GALNTL6: variants seen among roughly 807,000 people sequenced by gnomAD.
GALNTL6 encodes the protein polypeptide N-acetylgalactosaminyltransferase like 6.
Under a neutral mutation model 73.7 loss-of-function variants are expected in GALNTL6, and 46 were observed. The ratio of observed to expected loss-of-function variants is 0.62; its 90% CI spans 0.49 to 0.80. The LOEUF (loss-of-function observed/expected upper bound fraction) is 0.80. Ranked by LOEUF, GALNTL6 falls within the 30% of genes least tolerant of loss-of-function variation. The pLI is 0.00. For synonymous variants in GALNTL6, 259 were observed against 263.7 expected (o/e 0.98, Z 0.17); for missense variants, 604 against 755.0 (o/e 0.80, Z 2.34).
chr4:172,202,690 T>C (rs1275072035), intron 2 of GALNTL6, among the ~76,000 whole-genome samples: 5 of 152,172 alleles, frequency 3.3e-5, no homozygotes. Flanking sequence ...TTGCAAATAC[T>C]CAGTGCCAGT....
chr4:171,882,868 A>G (rs907687134), intron 2 of GALNTL6, among the ~76,000 whole-genome samples: 2 of 152,250 alleles, frequency 1.3e-5, no homozygotes, highest in Admixed American at 6.5e-5. Context: ...TCGGGTAGTT[A>G]GTCCGTTGTA....
chr4:172,090,163 G>A (rs373416627), intron 2 of GALNTL6, among the ~76,000 whole-genome samples: 27 of 152,192 alleles, frequency 1.8e-4, no homozygotes, highest in African/African-American at 6.3e-4. Flanking sequence ...ATAAACATAC[G>A]TGTGCATGTG....
At chr4:172,667,301 A>G (rs1731725505) in intron 5 of GALNTL6, 1 of 152,196 alleles carries the variant, frequency 6.6e-6, no homozygotes, top group Non-Finnish European at 1.5e-5. Context: ...TTTATTGAGT[A>G]AATAGTTAGA....
chr4:171,948,060 G>C (rs918491209), intron 2 of GALNTL6, among the ~76,000 whole-genome samples: 3 of 152,004 alleles, frequency 2.0e-5, no homozygotes, highest in African/African-American at 7.3e-5. Context: ...TGAGATGGGG[G>C]GAATACTGTA....
At chr4:172,368,389 TAAC>T (rs1440080349) in intron 5 of GALNTL6, among the ~76,000 whole-genome samples, 5 of 151,662 alleles carry the variant, frequency 3.3e-5, no homozygotes, top group Non-Finnish European at 7.4e-5. Context: ...TCAAAACAAA[TAAC>T]AACAACAAAA....
intron 2 of GALNTL6, among the ~76,000 whole-genome samples, chr4:172,092,229 A>AT (rs1185017288): frequency 1.3e-5 from 2 of 152,274 alleles, no homozygotes; most frequent in African/African-American, 2.4e-5. Flanking sequence ...AAATTTGGTT[A>AT]TTTTAGGTGT....
In GALNTL6 at chr4:171,914,711, C is replaced by T. The variant is rs118179391; in HGVS notation, c.138+99993C>T. Among the ~76,000 whole-genome samples, 199 of 148,840 alleles carry T rather than the reference C, an allele frequency of 1.3e-3. 1 individual carries two copies. The Middle Eastern group carries it at 0.018, about 13-fold the overall frequency. On this transcript the variant is annotated intron_variant, in intron 2 of 12. Coordinates refer to ENST00000506823, the MANE Select transcript of GALNTL6 (RefSeq NM_001034845.3). ...GATTACAGGCATAAGCCACCATGGC[C>T]GGCCAAAAATGTACATATTTATGAA...
intron 2 of GALNTL6, among the ~76,000 whole-genome samples, chr4:171,855,142 T>G (rs977023838): frequency 2.6e-5 from 4 of 152,190 alleles, no homozygotes; most frequent in Non-Finnish European, 5.9e-5. Context: ...GTGCATAGAT[T>G]TCATTAGAGT....
chr4:172,339,516 G>A (rs1213038301), intron 4 of GALNTL6, among the ~76,000 whole-genome samples: 3 of 152,148 alleles, frequency 2.0e-5, no homozygotes, highest in East Asian at 1.9e-4. Context: ...TCGCTGGCCT[G>A]AGACTAAAAT....
chr4:172,599,490 C>T (rs900125238), intron 5 of GALNTL6, among the ~76,000 whole-genome samples: 26 of 152,212 alleles, frequency 1.7e-4, no homozygotes, highest in Non-Finnish European at 3.4e-4. Context: ...TTGTTATTAA[C>T]AAACAGCCAC....
intron 5 of GALNTL6, among the ~76,000 whole-genome samples, chr4:172,558,588 C>G (rs2110918826): frequency 1.3e-5 from 2 of 152,268 alleles, no homozygotes; most frequent in African/African-American, 4.8e-5. Flanking sequence ...CTGTGGGCAA[C>G]TTGATCTTGG....
At chr4:172,260,257 A>G (rs980789036) in intron 3 of GALNTL6, among the ~76,000 whole-genome samples, 10 of 151,678 alleles carry the variant, frequency 6.6e-5, no homozygotes, top group Non-Finnish European at 1.3e-4. Flanking sequence ...TGTTTGTGTC[A>G]TCTGTGATTT....
chr4:171,966,168 G>C (rs886578085), intron 2 of GALNTL6, among the ~76,000 whole-genome samples: 2 of 152,062 alleles, frequency 1.3e-5, no homozygotes, highest in Non-Finnish European at 2.9e-5. Context: ...TAGTCATAGG[G>C]GAGATCCTAA....
chr4:172,474,366 A>C (rs188896276), intron 5 of GALNTL6, among the ~76,000 whole-genome samples: 1 of 152,242 alleles, frequency 6.6e-6, no homozygotes, highest in African/African-American at 2.4e-5. Flanking sequence ...TTAATCTACT[A>C]TACAATTTAA....
At chr4:172,858,814 G>C (rs549409415) in intron 7 of GALNTL6, among the ~76,000 whole-genome samples, 1 of 152,064 alleles carries the variant, frequency 6.6e-6, no homozygotes, top group African/African-American at 2.4e-5. Flanking sequence ...CAACCAGATA[G>C]GAACGTGACT....
At position 172,111,028 on chromosome 4, in the gene GALNTL6, TC is replaced by T. The variant is rs1732836628; in HGVS notation, c.139-118627del. Among the ~76,000 whole-genome samples the T allele has an allele frequency of 3.3e-5, 5 of 152,106 alleles. No homozygotes were observed. In the South Asian group the frequency reaches 1.0e-3, roughly 32 times the overall value. ...GATATATTCCTATACTAAGCTTTCC[TC>T]TTGGTGGTTGGAAGTCCCATTTGGA... On this transcript the variant is annotated intron_variant, in intron 2 of 12. Transcript: ENST00000506823.
At chr4:172,901,532 T>C (rs556439023) in intron 8 of GALNTL6, among the ~76,000 whole-genome samples, 2 of 152,298 alleles carry the variant, frequency 1.3e-5, no homozygotes, top group African/African-American at 4.8e-5. Context: ...TAGGCCATAA[T>C]ATAGAAATTA....
chr4:171,939,290 A>G lies in GALNTL6; in HGVS notation c.138+124572A>G, dbSNP rs76681076. Among the ~76,000 whole-genome samples, 264 of 151,744 alleles carry G rather than the reference A, an allele frequency of 1.7e-3. 8 individuals carry two copies. The East Asian group carries it at 0.048, about 28-fold the overall frequency. On this transcript the variant is annotated intron_variant, in intron 2 of 12. Transcript: ENST00000506823. The stretch of plus-strand genomic sequence containing the variant: ...TTGCCAAGTGCTAATCAATATACTG[A>G]TTTTTTTTGATAAGCCATCAATAGG...
intron 2 of GALNTL6, among the ~76,000 whole-genome samples, chr4:172,191,298 T>G (rs1318013797): frequency 2.0e-5 from 3 of 152,210 alleles, no homozygotes; most frequent in African/African-American, 7.2e-5. Context: ...GTTGCTGCCC[T>G]TGGTCTCCAT....
Sources: gnomAD v4.1 joint callset for allele counts (sites outside exome capture counted in the v4.1 genomes callset) on GRCh38, gnomAD v4.1.1 for gene constraint, MANE v1.5 for transcripts, NCBI Gene and HGNC (gene_info 2026-07-23, HGNC 2026-07-21) for gene names.